NIPBL: variants seen among roughly 807,000 people sequenced by gnomAD.
NIPBL encodes the protein nipped-B-like protein.
A neutral mutation model predicts 321.8 loss-of-function variants in NIPBL; 19 were observed. The observed-to-expected ratio is 0.06, with a 90% CI of 0.04 to 0.09. NIPBL has a LOEUF of 0.09. NIPBL is among the 10% of genes least tolerant of loss of function. The pLI, the probability that NIPBL is intolerant of heterozygous loss-of-function variation, is 1.00. For missense variants in NIPBL, 2,210 were observed against 3,327.0 expected (o/e 0.66, Z 8.26); for synonymous variants, 1,106 against 1,114.1 (o/e 0.99, Z 0.14).
intron 1 of NIPBL, among the ~76,000 whole-genome samples, chr5:36,889,770 C>A (rs1383682852): frequency 6.6e-6 from 1 of 151,892 alleles, no homozygotes; most frequent in Non-Finnish European, 1.5e-5. Context: ...AGTAACAATC[C>A]ATTCCTTTAT....
intron 8 of NIPBL, among the ~76,000 whole-genome samples, chr5:36,975,428 A>G (rs1743330695): frequency 6.6e-6 from 1 of 152,160 alleles, no homozygotes; most frequent in Admixed American, 6.5e-5. Context: ...GGTCATACCC[A>G]AAATATTTGT....
chr5:36,944,872 A>G (rs962342912), intron 1 of NIPBL, among the ~76,000 whole-genome samples: 11 of 152,160 alleles, frequency 7.2e-5, no homozygotes, highest in Non-Finnish European at 4.4e-5. Context: ...AATTAATTGT[A>G]TATCATCACA....
intron 2 of NIPBL, among the ~76,000 whole-genome samples, chr5:36,954,090 T>G (rs1740688853): frequency 6.6e-6 from 1 of 152,228 alleles, no homozygotes; most frequent in Non-Finnish European, 1.5e-5. Context: ...TTTATTCTTT[T>G]GTTAGGCATT....
Position 36,903,302 on chromosome 5 carries a change from A to G in NIPBL, c.-80+26124A>G, listed in dbSNP as rs569405367. ...TGCTCTGGCTAGGGCTTCTAGTACT[A>G]TGTTGAGTAGGAATAGTGAGAGAGG... On this transcript the variant is annotated intron_variant, in intron 1 of 46. Coordinates refer to ENST00000282516, the MANE Select transcript of NIPBL (RefSeq NM_133433.4). 1.9e-4 allele frequency among the ~76,000 whole-genome samples: 29 copies of G among 152,162 alleles called. 2 individuals carry two copies. In the South Asian group the frequency reaches 3.7e-3, roughly 20 times the overall value.
intron 14 of NIPBL, among the ~76,000 whole-genome samples, chr5:37,002,210 T>TACC (rs1561140222): frequency 6.6e-6 from 1 of 152,144 alleles, no homozygotes; most frequent in Non-Finnish European, 1.5e-5. Flanking sequence ...AAAGAAGCAA[T>TACC]ACCTTTTGGT....
intron 10 of NIPBL, among the ~76,000 whole-genome samples, chr5:36,991,681 T>A (rs1456275265): frequency 6.6e-6 from 1 of 151,958 alleles, no homozygotes; most frequent in Non-Finnish European, 1.5e-5. Flanking sequence ...ATTTGGTGCT[T>A]CTGTGTTATA....
chr5:36,957,444 A>C (rs966525490), intron 3 of NIPBL, among the ~76,000 whole-genome samples: 1 of 152,168 alleles, frequency 6.6e-6, no homozygotes, highest in Admixed American at 6.5e-5. Flanking sequence ...CCAAATATCA[A>C]CTTTTTGTGT....
At chr5:37,027,319 T>TA in intron 31 of NIPBL, 40 bp from the exon 32 acceptor site, 3 of 1,413,792 alleles carry the variant, frequency 2.1e-6, no homozygotes, top group Non-Finnish European at 3.0e-6. Context: ...TTCACATTTA[T>TA]AAATATACTT....
intron 1 of NIPBL, among the ~76,000 whole-genome samples, chr5:36,930,325 G>T (rs1749685188): frequency 1.3e-5 from 2 of 152,060 alleles, no homozygotes; most frequent in South Asian, 4.1e-4. Flanking sequence ...TAGTTTGAAT[G>T]GAATTGTTTT....
chr5:36,959,002 T>A (rs294692), intron 4 of NIPBL, among the ~76,000 whole-genome samples: 6,360 of 151,936 alleles, frequency 0.042, 451 homozygotes, highest in African/African-American at 0.15. Context: ...AGGCCAGGAG[T>A]TAAGACCAGC....
chr5:36,930,040 A>G (rs1269286269), intron 1 of NIPBL, among the ~76,000 whole-genome samples: 4 of 151,990 alleles, frequency 2.6e-5, no homozygotes, highest in Non-Finnish European at 4.4e-5. Context: ...TTTCTTCACT[A>G]AATTATTTTG....
At position 36,885,877 on chromosome 5, in the gene NIPBL, A is replaced by G. The variant is rs573100747; in HGVS notation, c.-80+8699A>G. ...ACGAAGAGGAAGTAAAAGGCCTACA[A>G]GCCCAGCTCACCAGCTCTGGGTTGA... On this transcript the variant is annotated intron_variant, in intron 1 of 46. Transcript: ENST00000282516. 28 of 730,274 alleles carry G rather than the reference A, an allele frequency of 3.8e-5. No homozygotes were observed. The African/African-American group carries it at 4.5e-4, about 12-fold the overall frequency. 45.2% of individuals were successfully genotyped at this position (730,274 alleles called of 1,614,324 possible). A position where few individuals can be genotyped will look rare whatever the true frequency, so the allele number is the denominator to read the frequency against.
At chr5:37,021,920 C>T (rs1749696128) in intron 27 of NIPBL, 131 bp from the exon 28 acceptor site, 1 of 735,148 alleles carries the variant, frequency 1.4e-6, no homozygotes, top group Admixed American at 2.2e-5. Flanking sequence ...AGGAAAGATC[C>T]TTTACTCATT....
chr5:36,957,998 A>T, intron 3 of NIPBL, 106 bp from the exon 4 acceptor site: 1 of 1,200,340 alleles, frequency 8.3e-7, no homozygotes, highest in South Asian at 1.3e-5. Context: ...AAAAAAAAAA[A>T]AAATTCATAT....
chr5:37,020,885 G>A lies in NIPBL; in HGVS notation c.5328+8G>A. The A allele has an allele frequency of 1.9e-6, 3 of 1,573,076 alleles. No individual in the cohort carries two copies. Among genetic ancestry groups the A allele is most frequent in the Non-Finnish European group, 2.6e-6 (3 of 1,142,662 alleles). ...GATATTTATTTGACACAGGTAAACTGGATAAGAATTCCTTATACAGTGATA... is the reference window on the plus strand; with the variant it reads ...GATATTTATTTGACACAGGTAAACTAGATAAGAATTCCTTATACAGTGATA... On this transcript the variant is annotated splice_region_variant and intron_variant, in intron 27 of 46. Coordinates refer to ENST00000282516, the MANE Select transcript of NIPBL (RefSeq NM_133433.4).
intron 1 of NIPBL, among the ~76,000 whole-genome samples, chr5:36,943,968 T>C (rs1739389900): frequency 6.6e-6 from 1 of 152,018 alleles, no homozygotes; most frequent in African/African-American, 2.4e-5. Context: ...TTTGGTGGAA[T>C]GGAGAATAAA....
chr5:37,023,750 C>CTTTTTTTTTTTTT (rs779595045), intron 29 of NIPBL, among the ~76,000 whole-genome samples: 69 of 75,604 alleles, frequency 9.1e-4, no homozygotes, highest in East Asian at 1.6e-3. Context: ...TTTTCTTATT[C>CTTTTTTTTTTTTT]TTTTTTTTTT....
At position 37,046,166 on chromosome 5, in the gene NIPBL, G is replaced by A; in HGVS notation, c.6556G>A (p.Glu2186Lys). The A allele has an allele frequency of 6.3e-7, 1 of 1,582,996 alleles. No individual in the cohort carries two copies. The highest frequency in any genetic ancestry group is 8.7e-7 in the Non-Finnish European group (1 of 1,151,998). ...LLMYFTKHSDEEVQTKAIIGL... is the reference protein window; with the variant it reads ...LLMYFTKHSDKEVQTKAIIGL... ...GATGTATTTTACAAAACACTCAGAT[G>A]AAGAAGTACAAACAAAAGCTATCAT... The change falls in exon 38 of 47, where the codon GAA becomes AAA. Residue 2186 changes from glutamate to lysine, a missense_variant. This residue lies in a region of NIPBL where 40 missense variants were observed against 55.3 expected (regional missense o/e 0.72). Coordinates refer to ENST00000282516, the MANE Select transcript of NIPBL (RefSeq NM_133433.4).
intron 1 of NIPBL, among the ~76,000 whole-genome samples, chr5:36,929,835 A>C (rs932701288): frequency 2.6e-5 from 4 of 152,034 alleles, no homozygotes; most frequent in African/African-American, 9.7e-5. Flanking sequence ...TGTTGACAAG[A>C]CTGTCTTTTA....
Sources: gnomAD v4.1 joint callset for allele counts (sites outside exome capture counted in the v4.1 genomes callset) on GRCh38, gnomAD v4.1.1 for gene constraint, gnomAD v4.1.1 regional missense constraint, MANE v1.5 for transcripts, NCBI Gene and HGNC (gene_info 2026-07-23, HGNC 2026-07-21) for gene names.